The following KCNIP3 variants were observed in gnomAD, a reference collection of about 807,000 sequenced individuals.
KCNIP3 encodes potassium voltage-gated channel interacting protein 3, also known as calsenilin.
A neutral mutation model predicts 35.0 loss-of-function variants in KCNIP3; 28 were observed. The ratio of observed to expected loss-of-function variants is 0.80; its 90% confidence interval spans 0.59 to 1.10. The LOEUF (loss-of-function observed/expected upper bound fraction) is 1.10, where lower values mean the gene tolerates loss of function less well. Among genes scored for constraint, KCNIP3 ranks in the 50% least tolerant of loss-of-function variants. The pLI, the probability that KCNIP3 is intolerant of heterozygous loss-of-function variation, is 0.00. For synonymous variants in KCNIP3, 134 were observed against 133.8 expected (o/e 1.00, Z -0.01); for missense variants, 295 against 338.4 (o/e 0.87, Z 1.01).
intron 2 of KCNIP3, among the ~76,000 whole-genome samples, chr2:95,333,736 A>G (rs1678989968): frequency 6.6e-6 from 1 of 152,178 alleles, no homozygotes; most frequent in African/African-American, 2.4e-5. Flanking sequence ...GCTATCCATT[A>G]TTATTACCCA....
rs1242871865 is a variant in KCNIP3, at chr2:95,365,509, A to C, written c.182-8787A>C. On this transcript the variant is annotated intron_variant, in intron 2 of 8. Transcript: ENST00000295225. ...AAATTACAATATTGACCACATGGAG[A>C]TCATCCACGATCCTTGTAAGAGCAG... Among the ~76,000 whole-genome samples the C allele has an allele frequency of 5.9e-5, 9 of 152,280 alleles. No homozygotes were observed. In the South Asian group the frequency reaches 1.7e-3, roughly 28 times the overall value.
At chr2:95,314,864 G>C (rs1252099570) in intron 2 of KCNIP3, among the ~76,000 whole-genome samples, 2 of 152,206 alleles carry the variant, frequency 1.3e-5, no homozygotes, top group Non-Finnish European at 2.9e-5. Context: ...GTTTTCCCGG[G>C]CTCCGGGCTT....
chr2:95,362,345 A>G (rs1401515196), intron 2 of KCNIP3, among the ~76,000 whole-genome samples: 1 of 152,094 alleles, frequency 6.6e-6, no homozygotes, highest in Non-Finnish European at 1.5e-5. Flanking sequence ...ACCTCAGGTG[A>G]TCCGCCCACC....
chr2:95,326,101 A>T (rs201444419), intron 2 of KCNIP3, among the ~76,000 whole-genome samples: 15 of 137,562 alleles, frequency 1.1e-4, no homozygotes, highest in Middle Eastern at 3.8e-3. Context: ...ACATACACAC[A>T]TATACACATA....
At chr2:95,344,274 TG>T (rs3836206) in intron 2 of KCNIP3, among the ~76,000 whole-genome samples, 74 of 129,812 alleles carry the variant, frequency 5.7e-4, no homozygotes, top group African/African-American at 1.6e-3. Flanking sequence ...GGTGGCGGGG[TG>T]GGGGGGGGCA....
chr2:95,342,278 C>T (rs1243129424), intron 2 of KCNIP3, among the ~76,000 whole-genome samples: 1 of 152,190 alleles, frequency 6.6e-6, no homozygotes, highest in Admixed American at 6.5e-5. Context: ...GCTGTGTGCC[C>T]TTAAGCAAAG....
Position 95,375,218 on chromosome 2 carries a change from C to T in KCNIP3, c.447+10C>T, listed in dbSNP as rs767334036. ...GGCCATCCACTTTGAGGTAGGTCCT[C>T]GCGGATTCCTCCCACGTGTCCTGCC... On this transcript the variant is annotated intron_variant, in intron 5 of 8. Coordinates refer to ENST00000295225, the MANE Select transcript of KCNIP3 (RefSeq NM_013434.5). The T allele has an allele frequency of 2.3e-5, 37 of 1,613,108 alleles. No homozygotes were observed. The East Asian group carries it at 2.9e-4, about 13-fold the overall frequency.
At chr2:95,324,966 T>C (rs551722263) in intron 2 of KCNIP3, among the ~76,000 whole-genome samples, 2 of 152,140 alleles carry the variant, frequency 1.3e-5, no homozygotes, top group East Asian at 1.9e-4. Context: ...TGGGAGGAAA[T>C]GCAAAAAGCC....
At chr2:95,298,172 A>T (rs1342582241) in intron 1 of KCNIP3, among the ~76,000 whole-genome samples, 1 of 152,160 alleles carries the variant, frequency 6.6e-6, no homozygotes. Context: ...CCTCTAGCTG[A>T]CTCTCAAAAG....
At chr2:95,304,030 A>C (rs1467966644) in intron 1 of KCNIP3, among the ~76,000 whole-genome samples, 1 of 152,244 alleles carries the variant, frequency 6.6e-6, no homozygotes, top group Non-Finnish European at 1.5e-5. Context: ...GTGTGTTTAC[A>C]CGAGGGCACG....
chr2:95,350,805 G>C (rs982513120), intron 2 of KCNIP3, among the ~76,000 whole-genome samples: 1 of 152,188 alleles, frequency 6.6e-6, no homozygotes, highest in Non-Finnish European at 1.5e-5. Context: ...CTGGGGCATC[G>C]AACTCTAAAT....
rs76227945 is a variant in KCNIP3 at position 95,323,483 on chromosome 2, G to T, written c.181+12963G>T. Among the ~76,000 whole-genome samples the T allele has an allele frequency of 4.8e-3, 732 of 151,298 alleles. 6 individuals carry two copies. The highest frequency in any genetic ancestry group is 0.017 in the African/African-American group (685 of 41,178). Reference sequence around the variant, plus strand: ...CTTCCAGGCTGGAGCCCGCAGGCCTGGCCACCCCTCCAGGAAAGGGCCCCT... The same window carrying T: ...CTTCCAGGCTGGAGCCCGCAGGCCTTGCCACCCCTCCAGGAAAGGGCCCCT... On this transcript the variant is annotated intron_variant, in intron 2 of 8. Coordinates refer to ENST00000295225, the MANE Select transcript of KCNIP3 (RefSeq NM_013434.5).
In KCNIP3 at chr2:95,383,227, T is replaced by G. The variant is rs1272610074; in HGVS notation, c.661-5T>G. The G allele has an allele frequency of 1.2e-6, 2 of 1,611,860 alleles. No individual in the cohort carries two copies. The highest frequency in any genetic ancestry group is 1.7e-5 in the Admixed American group (1 of 59,898). On this transcript the variant is annotated splice_polypyrimidine_tract_variant and splice_region_variant and intron_variant, in intron 7 of 8. Transcript: ENST00000295225. Reference sequence around the variant, plus strand: ...GACTCACTTTGGGCATGGCTTGGGTTGCAGAAAATGGACCGGAACCAGGAT... The same window carrying G: ...GACTCACTTTGGGCATGGCTTGGGTGGCAGAAAATGGACCGGAACCAGGAT...
chr2:95,341,692 T>C (rs1573500906), intron 2 of KCNIP3, among the ~76,000 whole-genome samples: 1 of 152,108 alleles, frequency 6.6e-6, no homozygotes, highest in Non-Finnish European at 1.5e-5. Flanking sequence ...CAGGCTAGGG[T>C]TGGGACCAGG....
intron 2 of KCNIP3, among the ~76,000 whole-genome samples, chr2:95,326,163 TCA>T (rs1678775573): frequency 6.7e-6 from 1 of 149,452 alleles, no homozygotes; most frequent in African/African-American, 2.5e-5. Context: ...ATATACGCAC[TCA>T]TATACACATA....
chr2:95,299,711 C>G (rs1677972921), intron 1 of KCNIP3, among the ~76,000 whole-genome samples: 2 of 152,248 alleles, frequency 1.3e-5, no homozygotes, highest in South Asian at 4.1e-4. Context: ...CTGGGAACCC[C>G]TTTTGCCTGG....
At chr2:95,309,050 G>T (rs908276125) in intron 1 of KCNIP3, among the ~76,000 whole-genome samples, 1 of 152,160 alleles carries the variant, frequency 6.6e-6, no homozygotes, top group Non-Finnish European at 1.5e-5. Context: ...GCATGTGGGG[G>T]TGGTGCCACT....
At chr2:95,379,467 G>C (rs1573523196) in intron 5 of KCNIP3, among the ~76,000 whole-genome samples, 1 of 152,332 alleles carries the variant, frequency 6.6e-6, no homozygotes, top group African/African-American at 2.4e-5. Flanking sequence ...GGGGCCTGGT[G>C]CCTCTGGGGC....
chr2:95,312,265 A>G (rs1424616177), intron 2 of KCNIP3: 1 of 152,176 alleles, frequency 6.6e-6, no homozygotes, highest in Admixed American at 6.5e-5. Context: ...GCTGGTGTGC[A>G]TCCTTTGCCG....
Sources: gnomAD v4.1 joint callset for allele counts (sites outside exome capture counted in the v4.1 genomes callset) on GRCh38, gnomAD v4.1.1 for gene constraint, MANE v1.5 for transcripts, NCBI Gene and HGNC (gene_info 2026-07-23, HGNC 2026-07-21) for gene names.